The following LYRM4 variants were observed in gnomAD, a reference collection of about 807,000 sequenced individuals.
The protein encoded by LYRM4 is LYR motif-containing protein 4.
In LYRM4, 9 loss-of-function variants were observed where a neutral mutation model predicts 11.7. The ratio of observed to expected loss-of-function variants is 0.77; its 90% CI spans 0.46 to 1.34. The LOEUF (loss-of-function observed/expected upper bound fraction) is 1.34, where lower values mean the gene tolerates loss of function less well. Ranked by LOEUF, LYRM4 falls within the 40% of genes most tolerant of loss-of-function variation. The pLI is 0.00. For missense variants in LYRM4, 133 were observed against 112.5 expected (o/e 1.18, Z -0.82); for synonymous variants, 42 against 40.4 (o/e 1.04, Z -0.15).
chr6:5,056,418 G>T, the LYRM4 span, among the ~76,000 whole-genome samples: 1 of 152,112 alleles, frequency 6.6e-6, no homozygotes, highest in Admixed American at 6.5e-5. Context: ...TTGCAATATG[G>T]AATCTGAAAC....
the LYRM4 span, among the ~76,000 whole-genome samples, chr6:5,064,983 A>T: frequency 6.6e-6 from 1 of 152,310 alleles, no homozygotes; most frequent in East Asian, 1.9e-4. Context: ...TTACAGTGTC[A>T]TACAGAATAG....
chr6:5,177,653 C>T (rs1759798666), intron 2 of LYRM4, among the ~76,000 whole-genome samples: 1 of 152,178 alleles, frequency 6.6e-6, no homozygotes, highest in Non-Finnish European at 1.5e-5. Context: ...CAAATGTATC[C>T]TTACGGCACC....
chr6:5,065,546 CAAAAG>C, the LYRM4 span, among the ~76,000 whole-genome samples: 1 of 152,098 alleles, frequency 6.6e-6, no homozygotes, highest in South Asian at 2.1e-4. Context: ...GAATCTGAAA[CAAAAG>C]GAATTCAATC....
intron 2 of LYRM4, chr6:5,136,522 A>T (rs1357508362): frequency 1.0e-6 from 1 of 952,642 alleles, no homozygotes; most frequent in Non-Finnish European, 1.2e-6. Flanking sequence ...CCTTACCTAC[A>T]GAATGGGATA....
chr6:5,258,272 T>C (rs1316512877), intron 1 of LYRM4, among the ~76,000 whole-genome samples: 1 of 152,230 alleles, frequency 6.6e-6, no homozygotes, highest in African/African-American at 2.4e-5. Flanking sequence ...CTACTCTAAT[T>C]ACTTAAGGCA....
chr6:5,085,503 G>A, the LYRM4 span: 4 of 1,536,772 alleles, frequency 2.6e-6, no homozygotes, highest in Non-Finnish European at 3.5e-6. Context: ...CCATAGGGGC[G>A]CGGCTAAGTT....
chr6:5,135,481 CTGGGG>C lies in LYRM4; in HGVS notation c.208-25995_208-25991del. On this transcript the variant is annotated intron_variant, in intron 2 of 2. Coordinates refer to ENST00000330636, the MANE Select transcript of LYRM4 (RefSeq NM_020408.6). ...GGACTGTGGAGGGTGCGGATCGCTCCTGGGGCTGTGGAGGGTGCGGTTCACTCCCG... is the reference window on the plus strand; with the variant it reads ...GGACTGTGGAGGGTGCGGATCGCTCCCTGTGGAGGGTGCGGTTCACTCCCG... Among the ~76,000 whole-genome samples, 2 of 118,140 alleles carry C rather than the reference CTGGGG, an allele frequency of 1.7e-5. 1 individual carries two copies. The highest frequency in any genetic ancestry group is 7.3e-5 in the African/African-American group (2 of 27,446). The allele number at this position is 118,140 out of a possible 152,430, so 77.5% of individuals were successfully genotyped here.
the LYRM4 span, chr6:5,067,127 T>A: frequency 4.1e-6 from 1 of 244,450 alleles, no homozygotes; most frequent in East Asian, 8.0e-5. Context: ...AGTATTAATT[T>A]CTTTGCTACT....
chr6:5,139,843 CT>C (rs200168631), intron 2 of LYRM4, among the ~76,000 whole-genome samples: 348 of 142,192 alleles, frequency 2.4e-3, no homozygotes, highest in African/African-American at 6.3e-3. Context: ...GCACTTTTTT[CT>C]TTTTTTTTTT....
intron 2 of LYRM4, among the ~76,000 whole-genome samples, chr6:5,129,372 T>A (rs867648748): frequency 6.6e-6 from 1 of 152,054 alleles, no homozygotes; most frequent in African/African-American, 2.4e-5. Flanking sequence ...AAAGTCAAGG[T>A]GTTGTCAGGG....
intron 2 of LYRM4, among the ~76,000 whole-genome samples, chr6:5,165,834 C>T (rs769085734): frequency 4.2e-4 from 64 of 152,048 alleles, no homozygotes; most frequent in African/African-American, 5.6e-4. Flanking sequence ...TGAGCCACCG[C>T]GCCCGGCCAC....
intron 2 of LYRM4, among the ~76,000 whole-genome samples, chr6:5,111,378 T>C (rs999068225): frequency 1.3e-5 from 2 of 152,232 alleles, no homozygotes; most frequent in African/African-American, 4.8e-5. Flanking sequence ...CAATCGGACA[T>C]TCACGAGTAC....
chr6:5,074,100 A>G, the LYRM4 span, among the ~76,000 whole-genome samples: 1 of 152,144 alleles, frequency 6.6e-6, no homozygotes, highest in Non-Finnish European at 1.5e-5. Context: ...CCTGCCCCCC[A>G]TCTGGATCCC....
intron 2 of LYRM4, among the ~76,000 whole-genome samples, chr6:5,148,585 T>C (rs1477818040): frequency 1.4e-5 from 2 of 143,420 alleles, no homozygotes; most frequent in African/African-American, 2.5e-5. Context: ...GATGAGAAAA[T>C]GAGAAAAGTT....
intron 2 of LYRM4, among the ~76,000 whole-genome samples, chr6:5,210,393 C>T (rs1309784585): frequency 1.3e-5 from 2 of 151,724 alleles, no homozygotes; most frequent in Admixed American, 1.3e-4. Flanking sequence ...GTTCAAGCTT[C>T]AAATGACTTA....
chr6:5,073,113 C>T, the LYRM4 span, among the ~76,000 whole-genome samples: 3 of 152,132 alleles, frequency 2.0e-5, no homozygotes, highest in African/African-American at 7.2e-5. Flanking sequence ...TGGTGGCTCA[C>T]ACTGTAATCC....
the LYRM4 span, among the ~76,000 whole-genome samples, chr6:5,038,345 G>A: frequency 1.8e-4 from 11 of 59,794 alleles, 4 homozygotes; most frequent in South Asian, 1.4e-3. Context: ...GGGAAGAGGC[G>A]CTCCTCGCTT....
chr6:5,260,887 C>G lies in LYRM4; in HGVS notation c.-154G>C. 3.5e-6 allele frequency: 5 copies of G among 1,408,584 alleles called. No individual in the cohort carries two copies. 87.3% of individuals were successfully genotyped at this position (1,408,584 alleles called of 1,614,324 possible). On this transcript the variant is annotated 5_prime_UTR_variant, in exon 1 of 3. Coordinates refer to ENST00000330636, the MANE Select transcript of LYRM4 (RefSeq NM_020408.6). ...CCGGGCCTAAGCCTAAGCGGGCAGC[C>G]CTGCGGATCGCGGACGGCGCCAGGC...
At chr6:5,159,719 A>G (rs543225932) in intron 2 of LYRM4, among the ~76,000 whole-genome samples, 21 of 152,272 alleles carry the variant, frequency 1.4e-4, no homozygotes, top group African/African-American at 4.8e-4. Flanking sequence ...ATCTTTTACA[A>G]TCTACCTCGA....
Sources: allele counts gnomAD v4.1 joint callset (sites outside exome capture counted in the v4.1 genomes callset), GRCh38; gene constraint gnomAD v4.1.1; transcripts MANE v1.5; gene names NCBI Gene and HGNC (gene_info 2026-07-23, HGNC 2026-07-21).